SGCZ: variants seen among roughly 807,000 people sequenced by gnomAD.
SGCZ encodes the protein sarcoglycan zeta, also known as zeta-sarcoglycan.
SGCZ carries 40 observed loss-of-function variants against 41.3 expected under a neutral mutation model. The observed-to-expected ratio is 0.97, with a 90% CI of 0.75 to 1.26. The LOEUF (loss-of-function observed/expected upper bound fraction) is 1.26. Ranked by LOEUF, SGCZ falls within the 50% of genes most tolerant of loss-of-function variation. The pLI is 0.00. For missense variants in SGCZ, 552 were observed against 369.8 expected (o/e 1.49, Z -4.04); for synonymous variants, 206 against 137.5 (o/e 1.50, Z -3.49).
At chr8:15,010,777 A>G (rs947843678) in intron 1 of SGCZ, among the ~76,000 whole-genome samples, 1 of 152,204 alleles carries the variant, frequency 6.6e-6, no homozygotes, top group Non-Finnish European at 1.5e-5. Flanking sequence ...GAAGAACGCC[A>G]GATACCTTCT....
At chr8:14,778,640 C>A (rs139179295) in intron 1 of SGCZ, among the ~76,000 whole-genome samples, 1 of 152,188 alleles carries the variant, frequency 6.6e-6, no homozygotes, top group African/African-American at 2.4e-5. Flanking sequence ...AAGGAAATGA[C>A]AATCTAATAG....
intron 3 of SGCZ, among the ~76,000 whole-genome samples, chr8:14,310,965 C>T (rs1054635632): frequency 2.0e-5 from 3 of 152,098 alleles, no homozygotes; most frequent in South Asian, 4.1e-4. Flanking sequence ...TCTTGGAACA[C>T]ACTTAAGGGT....
intron 6 of SGCZ, among the ~76,000 whole-genome samples, chr8:14,106,331 G>A (rs1043516229): frequency 6.6e-6 from 1 of 152,120 alleles, no homozygotes; most frequent in South Asian, 2.1e-4. Context: ...AATGAAGACC[G>A]TAGCATCCTA....
intron 1 of SGCZ, among the ~76,000 whole-genome samples, chr8:14,774,022 G>A (rs1207111992): frequency 2.6e-5 from 4 of 152,088 alleles, no homozygotes; most frequent in Non-Finnish European, 4.4e-5. Flanking sequence ...TGGACCACTC[G>A]GCTCAGATAT....
At chr8:15,016,014 A>T (rs1310095649) in intron 1 of SGCZ, among the ~76,000 whole-genome samples, 1 of 152,102 alleles carries the variant, frequency 6.6e-6, no homozygotes, top group African/African-American at 2.4e-5. Flanking sequence ...AGAAGTTTAC[A>T]TTCATTTGAC....
intron 3 of SGCZ, among the ~76,000 whole-genome samples, chr8:14,261,452 A>T (rs1177247593): frequency 6.6e-6 from 1 of 152,140 alleles, no homozygotes; most frequent in African/African-American, 2.4e-5. Context: ...GGTCGAGGTA[A>T]TATATATCAC....
At chr8:14,957,487 A>G (rs369096471) in intron 1 of SGCZ, among the ~76,000 whole-genome samples, 1 of 152,004 alleles carries the variant, frequency 6.6e-6, no homozygotes. Flanking sequence ...TTTGACATAG[A>G]TGCATATTTT....
intron 1 of SGCZ, among the ~76,000 whole-genome samples, chr8:14,885,505 T>C (rs541193649): frequency 8.5e-5 from 13 of 152,238 alleles, no homozygotes; most frequent in African/African-American, 3.1e-4. Flanking sequence ...AGAGGAATGA[T>C]CTTATTCTCA....
At chr8:14,146,296 G>T (rs201427292) in intron 5 of SGCZ, among the ~76,000 whole-genome samples, 9 of 152,188 alleles carry the variant, frequency 5.9e-5, no homozygotes, top group East Asian at 5.8e-4. Context: ...TATCTCAAGT[G>T]CTGAAGCAAA....
chr8:15,039,991 A>T (rs1201414408), intron 1 of SGCZ, among the ~76,000 whole-genome samples: 1 of 152,188 alleles, frequency 6.6e-6, no homozygotes, highest in Non-Finnish European at 1.5e-5. Context: ...AACACATTTA[A>T]TTTGCAAAAA....
At chr8:14,457,330 G>T (rs2116941808) in intron 2 of SGCZ, among the ~76,000 whole-genome samples, 1 of 152,338 alleles carries the variant, frequency 6.6e-6, no homozygotes, top group Admixed American at 6.5e-5. Context: ...GTCTAGCGGT[G>T]ACGCCAGCGT....
intron 2 of SGCZ, among the ~76,000 whole-genome samples, chr8:14,490,047 T>C (rs115023733): frequency 0.025 from 3,831 of 152,014 alleles, 111 homozygotes; most frequent in African/African-American, 0.068. Context: ...TTTGTCTTTT[T>C]AGTATATATG....
chr8:14,092,748 C>T (rs762021408), intron 7 of SGCZ, among the ~76,000 whole-genome samples: 1 of 152,002 alleles, frequency 6.6e-6, no homozygotes, highest in Admixed American at 6.6e-5. Flanking sequence ...GTGAGGCCTC[C>T]CCAGCCTCGT....
chr8:14,130,261 G>T (rs1360535506), intron 5 of SGCZ, among the ~76,000 whole-genome samples: 1 of 150,272 alleles, frequency 6.7e-6, no homozygotes, highest in Non-Finnish European at 1.5e-5. Context: ...TGCAAAATAA[G>T]AATCTTGGTA....
chr8:14,721,568 C>T lies in SGCZ; in HGVS notation c.40-166642G>A, dbSNP rs527969904. ...TGGCCTTTAAAGTATACACAGAATC[C>T]GTCTACTTCTCACCACCTCTACCAC... On this transcript the variant is annotated intron_variant, in intron 1 of 7. Transcript: ENST00000382080. Among the ~76,000 whole-genome samples the T allele has an allele frequency of 7.2e-5, 11 of 152,248 alleles. No homozygotes were observed. In the East Asian group the frequency reaches 1.4e-3, roughly 19 times the overall value.
chr8:15,224,360 G>A (rs1801701908), intron 1 of SGCZ, among the ~76,000 whole-genome samples: 1 of 151,958 alleles, frequency 6.6e-6, no homozygotes, highest in Non-Finnish European at 1.5e-5. Context: ...TGCAACATGA[G>A]AATCAAGACA....
chr8:14,364,572 A>G lies in SGCZ; in HGVS notation c.235-40368T>C, dbSNP rs1267293415. ...GCCAAACCTCTCTAGGTAAACTGCT[A>G]TATCATTGCTTTTATTTACTATTTA... On this transcript the variant is annotated intron_variant, in intron 2 of 7. Coordinates refer to ENST00000382080, the MANE Select transcript of SGCZ (RefSeq NM_139167.4). Among the ~76,000 whole-genome samples the G allele has an allele frequency of 3.3e-5, 5 of 152,058 alleles. No individual in the cohort carries two copies. The East Asian group carries it at 5.8e-4, about 18-fold the overall frequency.
chr8:14,614,194 A>G (rs1012761691), intron 1 of SGCZ, among the ~76,000 whole-genome samples: 4 of 152,208 alleles, frequency 2.6e-5, no homozygotes, highest in African/African-American at 9.6e-5. Context: ...TAATGAGATA[A>G]ACTTGAACCT....
chr8:14,590,964 C>A (rs988449917), intron 1 of SGCZ, among the ~76,000 whole-genome samples: 3 of 150,156 alleles, frequency 2.0e-5, no homozygotes, highest in Non-Finnish European at 4.4e-5. Context: ...TAAATATATG[C>A]AAACACATAT....
Sources: gnomAD v4.1 joint callset for allele counts (sites outside exome capture counted in the v4.1 genomes callset) on GRCh38, gnomAD v4.1.1 for gene constraint, MANE v1.5 for transcripts, NCBI Gene and HGNC (gene_info 2026-07-23, HGNC 2026-07-21) for gene names.